IAPP: variants seen among roughly 807,000 people sequenced by gnomAD.
The protein encoded by IAPP is Islet amyloid polypeptide (diabetes-associated peptide; amylin).
In IAPP, 4 loss-of-function variants were observed where a neutral mutation model predicts 2.9. The ratio of observed to expected loss-of-function variants is 1.39; its 90% confidence interval spans 0.69 to 3.19. The LOEUF is 3.19. Among genes scored for constraint, IAPP ranks in the 30% most tolerant of loss-of-function variants. IAPP has a pLI of 0.01. For missense variants in IAPP, 114 were observed against 105.3 expected (o/e 1.08, Z -0.36); for synonymous variants, 40 against 42.1 (o/e 0.95, Z 0.19).
At chr12:21,370,961 T>C (rs1436552322), upstream of IAPP, among the ~76,000 whole-genome samples, 3 of 152,228 alleles carry the variant, frequency 2.0e-5, no homozygotes, top group African/African-American at 4.8e-5. Flanking sequence ...AACAGCTTTA[T>C]TGAAGAGGCG....
chr12:21,364,617 G>T (rs1939219337), intron 1 of IAPP, among the ~76,000 whole-genome samples: 1 of 152,174 alleles, frequency 6.6e-6, no homozygotes, highest in Non-Finnish European at 1.5e-5. Flanking sequence ...TGTCCCTGTT[G>T]CAGAGGACAT....
chr12:21,373,781 A>T, intron 2 of IAPP: 1 of 672,520 alleles, frequency 1.5e-6, no homozygotes, highest in East Asian at 2.7e-5. Flanking sequence ...AACCAGAGAA[A>T]CTTAACTAAA....
chr12:21,355,780 G>A (rs895509755), intron 1 of IAPP, among the ~76,000 whole-genome samples: 1 of 152,064 alleles, frequency 6.6e-6, no homozygotes, highest in Non-Finnish European at 1.5e-5. Context: ...AAGTTTAAAA[G>A]AAAATTTGTA....
upstream of IAPP, among the ~76,000 whole-genome samples, chr12:21,371,740 C>T (rs912150069): frequency 4.6e-5 from 7 of 152,098 alleles, no homozygotes; most frequent in Non-Finnish European, 1.0e-4. Context: ...CGGTGGCTGA[C>T]GCCTGTAATC....
chr12:21,376,476 AAAT>A lies in IAPP; in HGVS notation c.81-1757_81-1755del, dbSNP rs199626577. On this transcript the variant is annotated intron_variant, in intron 2 of 2. Transcript: ENST00000240652. ...TCATATTTATGGTACCTTCAAAAAT[AAAT>A]AATTGAACAGATAGTGTGAATGAGA... The A allele has an allele frequency of 7.7e-5, 14 of 181,668 alleles. No homozygotes were observed. In the East Asian group the frequency reaches 1.6e-3, roughly 20 times the overall value. The allele number at this position is 181,668 out of a possible 1,614,324, so 11.3% of individuals were successfully genotyped here. A position where few individuals can be genotyped will look rare whatever the true frequency, so the allele number is the denominator to read the frequency against.
rs1940438451 is a variant in IAPP, at chr12:21,379,365, T to C, written c.*939T>C. On this transcript the variant is annotated 3_prime_UTR_variant, in exon 3 of 3. Coordinates refer to ENST00000240652, the MANE Select transcript of IAPP (RefSeq NM_000415.3). Reference sequence around the variant, plus strand: ...AGTGAGCTTCTATTAAATGTATATGTCATTTATTTTGTTTAAGTGGCTTTC... The same window carrying C: ...AGTGAGCTTCTATTAAATGTATATGCCATTTATTTTGTTTAAGTGGCTTTC... 1 of 152,232 alleles carries C rather than the reference T, an allele frequency of 6.6e-6. No individual in the cohort carries two copies. The highest frequency in any genetic ancestry group is 1.5e-5 in the Non-Finnish European group (1 of 68,034). 9.4% of individuals were successfully genotyped at this position (152,232 alleles called of 1,614,324 possible).
upstream of IAPP, among the ~76,000 whole-genome samples, chr12:21,368,804 A>C (rs922670647): frequency 6.6e-6 from 1 of 152,152 alleles, no homozygotes; most frequent in South Asian, 2.1e-4. Flanking sequence ...ATGTACACCT[A>C]ATATTGATAT....
At chr12:21,359,927 T>C (rs1437516240) in intron 1 of IAPP, among the ~76,000 whole-genome samples, 1 of 152,108 alleles carries the variant, frequency 6.6e-6, no homozygotes, top group Non-Finnish European at 1.5e-5. Context: ...CATTTTGTAA[T>C]ATATTCACAC....
At chr12:21,369,354 T>G (rs1229088007), upstream of IAPP, among the ~76,000 whole-genome samples, 4 of 152,184 alleles carry the variant, frequency 2.6e-5, no homozygotes, top group Non-Finnish European at 4.4e-5. Flanking sequence ...GGCCTCATGA[T>G]CTCACTGACA....
At chr12:21,361,762 A>G (rs1345672967) in intron 1 of IAPP, among the ~76,000 whole-genome samples, 2 of 152,200 alleles carry the variant, frequency 1.3e-5, no homozygotes, top group African/African-American at 4.8e-5. Context: ...AAGCTTCAGT[A>G]GCCGATTTGA....
chr12:21,364,244 T>C (rs1939186056), intron 1 of IAPP, among the ~76,000 whole-genome samples: 1 of 152,160 alleles, frequency 6.6e-6, no homozygotes, highest in Admixed American at 6.5e-5. Flanking sequence ...TGGTTCAACA[T>C]ATGCAAATCA....
intron 2 of IAPP, among the ~76,000 whole-genome samples, chr12:21,377,056 A>T (rs1201150264): frequency 6.6e-6 from 1 of 152,210 alleles, no homozygotes; most frequent in African/African-American, 2.4e-5. Flanking sequence ...TTAAATAAAA[A>T]CATAAGTTAA....
upstream of IAPP, among the ~76,000 whole-genome samples, chr12:21,372,329 G>T (rs1939861112): frequency 6.6e-6 from 1 of 151,956 alleles, no homozygotes; most frequent in Non-Finnish European, 1.5e-5. Context: ...ATTTTGTTTT[G>T]TTCCCTGTCA....
upstream of IAPP, among the ~76,000 whole-genome samples, chr12:21,368,515 T>A (rs1243714698): frequency 6.6e-6 from 1 of 152,102 alleles, no homozygotes; most frequent in Non-Finnish European, 1.5e-5. Flanking sequence ...GCTGAATGAA[T>A]ATTTATATTA....
chr12:21,376,157 A>G (rs1940176909), intron 2 of IAPP, among the ~76,000 whole-genome samples: 1 of 152,158 alleles, frequency 6.6e-6, no homozygotes, highest in Non-Finnish European at 1.5e-5. Context: ...ACAATTTTAA[A>G]TTATATTATT....
At chr12:21,362,006 C>T (rs908065652) in intron 1 of IAPP, among the ~76,000 whole-genome samples, 5 of 152,178 alleles carry the variant, frequency 3.3e-5, no homozygotes, top group African/African-American at 4.8e-5. Context: ...CCCAACCTAG[C>T]GGGGAAGGCC....
chr12:21,363,860 C>T (rs896467182), intron 1 of IAPP, among the ~76,000 whole-genome samples: 1 of 152,144 alleles, frequency 6.6e-6, no homozygotes, highest in Non-Finnish European at 1.5e-5. Context: ...GAAGCTGAAT[C>T]CCTGAATAGA....
rs12826421 is a variant in IAPP, at chr12:21,379,613, G to A, written c.*1187G>A. ...GACAGAAGATGAAATGCTTTGCTTT[G>A]AGTCAGATTCTTATGAATATCTGCT... is the stretch of plus-strand genomic sequence containing the variant. On this transcript the variant is annotated 3_prime_UTR_variant, in exon 3 of 3. Transcript: ENST00000240652. 6.6e-6 allele frequency: 1 copy of A among 152,042 alleles called. No individual in the cohort carries two copies. Among genetic ancestry groups the A allele is most frequent in the Non-Finnish European group, 1.5e-5 (1 of 68,018 alleles). 9.4% of individuals were successfully genotyped at this position (152,042 alleles called of 1,614,324 possible). A position where few individuals can be genotyped will look rare whatever the true frequency, so the allele number is the denominator to read the frequency against.
At chr12:21,364,349 T>C (rs569073436) in intron 1 of IAPP, among the ~76,000 whole-genome samples, 3 of 152,206 alleles carry the variant, frequency 2.0e-5, no homozygotes, top group Non-Finnish European at 4.4e-5. Flanking sequence ...ATTTAACAGC[T>C]CTTCATGCTG....
Sources: allele counts gnomAD v4.1 joint callset (sites outside exome capture counted in the v4.1 genomes callset), GRCh38; gene constraint gnomAD v4.1.1; transcripts MANE v1.5; gene names NCBI Gene and HGNC (gene_info 2026-07-23, HGNC 2026-07-21).